The following LRRC4C variants were observed in gnomAD, a reference collection of about 807,000 sequenced individuals.
The protein encoded by LRRC4C is leucine-rich repeat-containing protein 4C.
LRRC4C carries 5 observed loss-of-function variants against 33.6 expected under a neutral mutation model. The ratio of observed to expected loss-of-function variants is 0.15; its 90% CI spans 0.08 to 0.31. The LOEUF is 0.31. LRRC4C is among the 10% of genes least tolerant of loss of function. The probability of loss-of-function intolerance (pLI) is 1.00; values close to 1 mark genes in which losing one functional copy is unlikely to be tolerated. For missense variants in LRRC4C, 560 were observed against 796.7 expected, an observed-to-expected ratio of 0.70 and a Z score of 3.58; for synonymous variants, 329 against 302.0, an observed-to-expected ratio of 1.09 and a Z score of -0.93.
chr11:41,060,445 AT>A (rs1937674785), intron 1 of LRRC4C, among the ~76,000 whole-genome samples: 1 of 152,150 alleles, frequency 6.6e-6, no homozygotes, highest in South Asian at 2.1e-4. Context: ...GTGGTGGCAG[AT>A]TTTGTTTCTG....
At chr11:40,141,780 G>A (rs1018093076) in intron 5 of LRRC4C, among the ~76,000 whole-genome samples, 3 of 152,174 alleles carry the variant, frequency 2.0e-5, no homozygotes, top group African/African-American at 7.2e-5. Flanking sequence ...TTGTTAGCAG[G>A]TGGTATAATC....
intron 1 of LRRC4C, among the ~76,000 whole-genome samples, chr11:41,019,208 T>C (rs1393590492): frequency 6.6e-6 from 1 of 152,052 alleles, no homozygotes; most frequent in Non-Finnish European, 1.5e-5. Flanking sequence ...GTGTGTGTTA[T>C]TCCCGTCTCT....
chr11:40,830,910 T>A (rs1320493445), intron 2 of LRRC4C, among the ~76,000 whole-genome samples: 1 of 152,114 alleles, frequency 6.6e-6, no homozygotes, highest in Non-Finnish European at 1.5e-5. Context: ...TTAGCTGCAG[T>A]AAAGTGGCTG....
At chr11:40,615,682 G>C (rs945824220) in intron 3 of LRRC4C, among the ~76,000 whole-genome samples, 1 of 151,654 alleles carries the variant, frequency 6.6e-6, no homozygotes, top group South Asian at 2.1e-4. Context: ...ATTAAAATTC[G>C]CTTTAATTGG....
chr11:40,906,383 C>T (rs189177068), intron 2 of LRRC4C, among the ~76,000 whole-genome samples: 311 of 152,108 alleles, frequency 2.0e-3, no homozygotes, highest in Middle Eastern at 3.4e-3. Context: ...TGGTGCCATG[C>T]GCCTGTAATC....
At position 41,195,548 on chromosome 11, in the gene LRRC4C, T is replaced by TC. The variant is rs199680117; in HGVS notation, c.-495-261826dup. ...GTAAGCTTCTCATCATGGAGATATT[T>TC]CCCCCCCCAAATTATAAAGCACATA... On this transcript the variant is annotated intron_variant, in intron 1 of 6. Transcript: ENST00000528697. 8.4e-3 allele frequency among the ~76,000 whole-genome samples: 1,263 copies of TC among 151,192 alleles called. 9 individuals carry two copies. Among genetic ancestry groups the TC allele is most frequent in the African/African-American group, 0.027 (1,101 of 41,188 alleles).
chr11:40,259,058 G>A (rs1275967305), intron 4 of LRRC4C, among the ~76,000 whole-genome samples: 1 of 152,152 alleles, frequency 6.6e-6, no homozygotes, highest in Non-Finnish European at 1.5e-5. Context: ...TTTTGCAAAT[G>A]AGGTAGTCAA....
At chr11:40,449,043 T>A (rs6485197) in intron 3 of LRRC4C, among the ~76,000 whole-genome samples, 54,523 of 152,054 alleles carry the variant, frequency 0.36, 10,295 homozygotes, top group East Asian at 0.52. Context: ...TGCATAAATG[T>A]CTTCTTTTGA....
At chr11:40,893,448 A>G (rs1396234732) in intron 2 of LRRC4C, among the ~76,000 whole-genome samples, 1 of 152,074 alleles carries the variant, frequency 6.6e-6, no homozygotes, top group Non-Finnish European at 1.5e-5. Flanking sequence ...CCTTGATGTT[A>G]TTGTTACACA....
chr11:41,351,269 A>T (rs1951974324), intron 1 of LRRC4C, among the ~76,000 whole-genome samples: 1 of 151,880 alleles, frequency 6.6e-6, no homozygotes, highest in Admixed American at 6.6e-5. Context: ...ACACACACAC[A>T]CATACATTTT....
In LRRC4C at chr11:40,329,560, G is replaced by T. The variant is rs183863560; in HGVS notation, c.-269-9839C>A. Among the ~76,000 whole-genome samples, 331 of 152,082 alleles carry T rather than the reference G, an allele frequency of 2.2e-3. 2 individuals are homozygous for T. The highest frequency in any genetic ancestry group is 7.3e-3 in the African/African-American group (304 of 41,462). ...CTCGTGGTATAGAACAGGAACCAAA[G>T]GTAGGGTTGACAGGAAACAGGAAAT... On this transcript the variant is annotated intron_variant, in intron 3 of 6. Coordinates refer to ENST00000528697, the MANE Select transcript of LRRC4C (RefSeq NM_001258419.2).
intron 6 of LRRC4C, among the ~76,000 whole-genome samples, chr11:40,131,617 A>G (rs1856649767): frequency 6.6e-6 from 1 of 152,156 alleles, no homozygotes; most frequent in Admixed American, 6.5e-5. Flanking sequence ...TTTTTGTAGT[A>G]CCCTTCCGTG....
At chr11:40,383,777 T>C (rs905823486) in intron 3 of LRRC4C, among the ~76,000 whole-genome samples, 5 of 151,900 alleles carry the variant, frequency 3.3e-5, no homozygotes, top group Non-Finnish European at 7.4e-5. Context: ...CTTAAATTCC[T>C]GGGCTGAGGT....
intron 3 of LRRC4C, among the ~76,000 whole-genome samples, chr11:40,641,037 T>G (rs914295073): frequency 8.7e-6 from 1 of 115,122 alleles, no homozygotes; most frequent in Non-Finnish European, 1.9e-5. Context: ...AAAAAAAAAG[T>G]AAATTTAAAA....
Position 40,347,635 on chromosome 11 carries a change from T to C in LRRC4C, c.-269-27914A>G, listed in dbSNP as rs188088020. Among the ~76,000 whole-genome samples the C allele has an allele frequency of 4.7e-4, 71 of 152,330 alleles. 2 individuals are homozygous for C. Among genetic ancestry groups the C allele is most frequent in the African/African-American group, 1.6e-3 (67 of 41,564 alleles). ...TTTATTTTATTGTTTTGAGACGGAG[T>C]TTCGCTCTTGTTGCCTAGGCTGGAT... On this transcript the variant is annotated intron_variant, in intron 3 of 6. Transcript: ENST00000528697.
At chr11:41,273,933 C>G (rs1393616710) in intron 1 of LRRC4C, among the ~76,000 whole-genome samples, 1 of 152,070 alleles carries the variant, frequency 6.6e-6, no homozygotes, top group Non-Finnish European at 1.5e-5. Flanking sequence ...AAAAGTAAAG[C>G]AGTTAAGGAG....
chr11:40,319,679 A>T lies in LRRC4C; in HGVS notation c.-227T>A, dbSNP rs1194487779. The T allele has an allele frequency of 2.6e-5, 4 of 152,196 alleles. No homozygotes were observed. Among genetic ancestry groups the T allele is most frequent in the African/African-American group, 4.8e-5 (2 of 41,452 alleles). The allele number at this position is 152,196 out of a possible 1,614,324, so 9.4% of individuals were successfully genotyped here. ...TGATCTTCCTGAGAAAACTCAAAGAAGTTTAATAAGTGCTCTGGATTTCTG... is the reference window on the plus strand; with the variant it reads ...TGATCTTCCTGAGAAAACTCAAAGATGTTTAATAAGTGCTCTGGATTTCTG... On this transcript the variant is annotated 5_prime_UTR_variant, in exon 4 of 7. Coordinates refer to ENST00000528697, the MANE Select transcript of LRRC4C (RefSeq NM_001258419.2).
chr11:40,419,734 A>T (rs1256636041), intron 3 of LRRC4C, among the ~76,000 whole-genome samples: 1 of 152,230 alleles, frequency 6.6e-6, no homozygotes, highest in Admixed American at 6.5e-5. Context: ...TGGTTAAAAA[A>T]ATTGATAGGC....
At chr11:40,244,928 T>C (rs1465815027) in intron 4 of LRRC4C, among the ~76,000 whole-genome samples, 1 of 152,202 alleles carries the variant, frequency 6.6e-6, no homozygotes, top group East Asian at 1.9e-4. Context: ...GCTATAACTG[T>C]ATAAATAGAC....
Sources: allele counts gnomAD v4.1 joint callset (sites outside exome capture counted in the v4.1 genomes callset), GRCh38; gene constraint gnomAD v4.1.1; transcripts MANE v1.5; gene names NCBI Gene and HGNC (gene_info 2026-07-23, HGNC 2026-07-21).